Variants in SOBP observed in about 807,000 individuals in gnomAD.
SOBP encodes sine oculis binding protein homolog.
Under a neutral mutation model 53.6 loss-of-function variants are expected in SOBP, and 4 were observed. The ratio of observed to expected loss-of-function variants is 0.07; its 90% CI spans 0.04 to 0.17. SOBP has a LOEUF of 0.17. Ranked by LOEUF, SOBP falls within the 10% of genes least tolerant of loss-of-function variation. The pLI, the probability that SOBP is intolerant of heterozygous loss-of-function variation, is 1.00. For synonymous variants in SOBP, 584 were observed against 522.6 expected, an observed-to-expected ratio of 1.12 and a Z score of -1.60; for missense variants, 1,088 against 1,204.7, an observed-to-expected ratio of 0.90 and a Z score of 1.43.
At chr6:107,556,114 G>A (rs558840467) in intron 4 of SOBP, among the ~76,000 whole-genome samples, 2 of 152,200 alleles carry the variant, frequency 1.3e-5, no homozygotes, top group Non-Finnish European at 2.9e-5. Context: ...CTTGACCTGA[G>A]AATTCTGTGG....
At chr6:107,509,395 C>CAAA (rs1209752245) in intron 3 of SOBP, among the ~76,000 whole-genome samples, 2 of 65,588 alleles carry the variant, frequency 3.0e-5, no homozygotes, top group East Asian at 4.5e-4. Flanking sequence ...ACTCCTGTCT[C>CAAA]AAAAAAAAAA....
At chr6:107,647,066 C>T (rs1327893251) in intron 6 of SOBP, among the ~76,000 whole-genome samples, 1 of 152,108 alleles carries the variant, frequency 6.6e-6, no homozygotes, top group Non-Finnish European at 1.5e-5. Context: ...GTGAGACCTG[C>T]CTGGGTTTGA....
chr6:107,559,236 G>A (rs917996861), intron 4 of SOBP, among the ~76,000 whole-genome samples: 3 of 151,994 alleles, frequency 2.0e-5, no homozygotes, highest in African/African-American at 7.2e-5. Flanking sequence ...TTCCTCATCT[G>A]TACTGTCAAG....
chr6:107,512,373 G>T (rs182234736), intron 3 of SOBP, among the ~76,000 whole-genome samples: 1 of 152,222 alleles, frequency 6.6e-6, no homozygotes, highest in Non-Finnish European at 1.5e-5. Context: ...GGCATGGATT[G>T]TAAGAACTGT....
intron 5 of SOBP, among the ~76,000 whole-genome samples, chr6:107,613,933 T>G (rs1274298774): frequency 6.6e-6 from 1 of 152,210 alleles, no homozygotes; most frequent in Non-Finnish European, 1.5e-5. Context: ...AGGGGAGGCC[T>G]TTTCAACAAT....
At chr6:107,583,213 C>G (rs563135360) in intron 4 of SOBP, among the ~76,000 whole-genome samples, 1 of 152,344 alleles carries the variant, frequency 6.6e-6, no homozygotes, top group South Asian at 2.1e-4. Context: ...TTACAGATCA[C>G]TTACTGGGCA....
In SOBP at chr6:107,506,423, A is replaced by G. The variant is rs1782994540; in HGVS notation, c.417A>G (p.Pro139=). ...PLIPPPFIKP[P]AEDDVSNVQI... is the part of the protein sequence containing the mutation. ...TTCCACCACCTTTCATAAAGCCACC[A>G]GCAGGTAAGTCACTACTGGTGTTTT... The change falls in exon 3 of 7, where the codon CCA becomes CCG. Residue 139 remains proline, a synonymous_variant. Coordinates refer to ENST00000317357, the MANE Select transcript of SOBP (RefSeq NM_018013.4). The G allele has an allele frequency of 6.2e-7, 1 of 1,613,988 alleles. No homozygotes were observed. Among genetic ancestry groups the G allele is most frequent in the Non-Finnish European group, 8.5e-7 (1 of 1,179,952 alleles).
chr6:107,644,331 C>T (rs1771464813), intron 6 of SOBP, among the ~76,000 whole-genome samples: 1 of 152,058 alleles, frequency 6.6e-6, no homozygotes, highest in South Asian at 2.1e-4. Flanking sequence ...AAAAACTTCC[C>T]ATTAGAGTGT....
rs1770840845 is a variant in SOBP at position 107,633,985 on chromosome 6, C to G, written c.1141C>G (p.Arg381Gly). 1.2e-6 allele frequency: 2 copies of G among 1,614,032 alleles called. No homozygotes were observed. The highest frequency in any genetic ancestry group is 1.7e-6 in the Non-Finnish European group (2 of 1,180,002). The change falls in exon 6 of 7, where the codon CGG (arginine) becomes GGG (glycine). Residue 381 changes from arginine (R) to glycine (G), a missense_variant. By Grantham distance (125) the Arg-to-Gly change is moderately radical. This residue lies in a region of SOBP where 211 missense variants were observed against 258.9 expected (regional missense o/e 0.82). Coordinates refer to ENST00000317357, the MANE Select transcript of SOBP (RefSeq NM_018013.4). ...SIGPPLGVPP[R>G]SPPMVMTNRG... ...CGGGCCTCCCCTTGGCGTCCCGCCTCGGAGCCCTCCCATGGTGATGACCAA... is the reference window on the plus strand; with the variant it reads ...CGGGCCTCCCCTTGGCGTCCCGCCTGGGAGCCCTCCCATGGTGATGACCAA...
intron 6 of SOBP, among the ~76,000 whole-genome samples, chr6:107,653,583 T>A (rs1425001134): frequency 6.6e-6 from 1 of 152,228 alleles, no homozygotes; most frequent in Non-Finnish European, 1.5e-5. Context: ...GGGATAAATA[T>A]GACAGACATG....
intron 5 of SOBP, among the ~76,000 whole-genome samples, chr6:107,605,751 G>A (rs562578161): frequency 1.9e-4 from 29 of 152,308 alleles, no homozygotes; most frequent in Admixed American, 4.6e-4. Flanking sequence ...CAAGTTGTCT[G>A]TAGCCTCTCA....
intron 5 of SOBP, among the ~76,000 whole-genome samples, chr6:107,614,134 G>T (rs570517429): frequency 2.0e-5 from 3 of 152,320 alleles, no homozygotes; most frequent in Admixed American, 6.5e-5. Flanking sequence ...AGGCGCAGTG[G>T]CTCACGCCTA....
chr6:107,500,805 C>G (rs9486630), intron 1 of SOBP, among the ~76,000 whole-genome samples: 134,582 of 152,170 alleles, frequency 0.88, 60,156 homozygotes, highest in Middle Eastern at 0.95. Flanking sequence ...GATTACAGGT[C>G]TGAGCCACCA....
intron 6 of SOBP, among the ~76,000 whole-genome samples, chr6:107,647,740 G>A (rs541566421): frequency 3.9e-5 from 6 of 152,132 alleles, no homozygotes; most frequent in South Asian, 2.1e-4. Flanking sequence ...CTTTCCTCTC[G>A]GTGGAACATG....
rs952005030 is a variant in SOBP, at chr6:107,602,261, G to T, written c.669+15086G>T. Among the ~76,000 whole-genome samples the T allele has an allele frequency of 3.3e-5, 5 of 152,186 alleles. No individual in the cohort carries two copies. The East Asian group carries it at 9.6e-4, about 29-fold the overall frequency. On this transcript the variant is annotated intron_variant, in intron 5 of 6. Coordinates refer to ENST00000317357, the MANE Select transcript of SOBP (RefSeq NM_018013.4). ...ATAAGTAATCTGCCTTTTGAAATTA[G>T]CTTCCTGAGACTCAGTCCTGATTGG...
intron 4 of SOBP, among the ~76,000 whole-genome samples, chr6:107,584,362 TA>T (rs1785501414): frequency 1.3e-5 from 2 of 152,164 alleles, no homozygotes; most frequent in Admixed American, 1.3e-4. Flanking sequence ...CATAGTAATT[TA>T]AAATTACACA....
chr6:107,652,857 T>C (rs1043292058), intron 6 of SOBP, among the ~76,000 whole-genome samples: 1 of 123,190 alleles, frequency 8.1e-6, no homozygotes, highest in African/African-American at 4.9e-5. Flanking sequence ...TTGTTAGCAT[T>C]TTTTTTTTTT....
At chr6:107,554,625 ATTG>A (rs1190243598) in intron 4 of SOBP, among the ~76,000 whole-genome samples, 4 of 152,192 alleles carry the variant, frequency 2.6e-5, no homozygotes, top group African/African-American at 9.7e-5. Context: ...GCTGGAATCC[ATTG>A]GAGCCACCAA....
chr6:107,617,298 A>G (rs1037749603), intron 5 of SOBP, among the ~76,000 whole-genome samples: 1 of 152,156 alleles, frequency 6.6e-6, no homozygotes, highest in Non-Finnish European at 1.5e-5. Flanking sequence ...GGGCATTATA[A>G]AACTCTCGAG....
Sources: allele counts gnomAD v4.1 joint callset (sites outside exome capture counted in the v4.1 genomes callset), GRCh38; gene constraint gnomAD v4.1.1; regional missense constraint gnomAD v4.1.1; transcripts MANE v1.5; gene names NCBI Gene and HGNC (gene_info 2026-07-23, HGNC 2026-07-21).